Variants in SDK2 observed in about 807,000 individuals in gnomAD.
SDK2 encodes protein sidekick-2.
SDK2 carries 105 observed loss-of-function variants against 253.9 expected under a neutral mutation model. That is an observed-to-expected ratio of 0.41 (90% confidence interval 0.35 to 0.49). The LOEUF (loss-of-function observed/expected upper bound fraction) is 0.49, where lower values mean the gene tolerates loss of function less well. Ranked by LOEUF, SDK2 falls within the 20% of genes least tolerant of loss-of-function variation. The pLI is 0.06. For synonymous variants in SDK2, 1,249 were observed against 1,234.9 expected, an observed-to-expected ratio of 1.01 and a Z score of -0.24; for missense variants, 2,608 against 3,003.0, an observed-to-expected ratio of 0.87 and a Z score of 3.07.
intron 1 of SDK2, among the ~76,000 whole-genome samples, chr17:73,548,659 G>A (rs1397010229): frequency 6.6e-6 from 1 of 152,222 alleles, no homozygotes; most frequent in Non-Finnish European, 1.5e-5. Flanking sequence ...CCTGCTCCCA[G>A]GAGGCCCTGG....
At chr17:73,599,768 C>A (rs968061570) in intron 1 of SDK2, among the ~76,000 whole-genome samples, 1 of 152,148 alleles carries the variant, frequency 6.6e-6, no homozygotes, top group Non-Finnish European at 1.5e-5. Context: ...AAAGCAGAGG[C>A]TGTGCCACAG....
intron 16 of SDK2, 67 bp downstream of exon 16, chr17:73,419,099 C>A: frequency 6.4e-7 from 1 of 1,551,812 alleles, no homozygotes; most frequent in South Asian, 1.2e-5. Flanking sequence ...TTTTCCAGTC[C>A]ACTCCCGATC....
intron 1 of SDK2, among the ~76,000 whole-genome samples, chr17:73,595,308 G>A (rs986858110): frequency 6.6e-6 from 1 of 152,136 alleles, no homozygotes. Flanking sequence ...AAATAGAGTC[G>A]GGGTGGCCAC....
intron 1 of SDK2, among the ~76,000 whole-genome samples, chr17:73,555,789 G>A (rs1414043776): frequency 6.6e-6 from 1 of 152,164 alleles, no homozygotes; most frequent in Non-Finnish European, 1.5e-5. Context: ...TTCTGCAGAG[G>A]GGATCACTTC....
chr17:73,458,787 T>C (rs1156293526), intron 3 of SDK2, among the ~76,000 whole-genome samples: 1 of 152,062 alleles, frequency 6.6e-6, no homozygotes, highest in Non-Finnish European at 1.5e-5. Context: ...AGGCGGATCA[T>C]GAGGTCAGGA....
chr17:73,510,577 G>A (rs184207663), intron 1 of SDK2, among the ~76,000 whole-genome samples: 268 of 152,268 alleles, frequency 1.8e-3, no homozygotes, highest in Middle Eastern at 0.01. Context: ...TTGGCTCACC[G>A]CAGCCTCGAC....
At chr17:73,611,714 C>T (rs925315217) in intron 1 of SDK2, among the ~76,000 whole-genome samples, 3 of 152,192 alleles carry the variant, frequency 2.0e-5, no homozygotes, top group African/African-American at 7.2e-5. Context: ...GGTCCCTTGC[C>T]CCCACCCCAG....
Position 73,361,653 on chromosome 17 carries a change from G to A in SDK2, c.5467+31C>T, listed in dbSNP as rs756089097. On this transcript the variant is annotated intron_variant, in intron 39 of 44. Transcript: ENST00000392650. The surrounding 1 kb of genome is among the most constrained non-coding windows in gnomAD (Gnocchi z 4.1). ...GACTGGGGACGCTGAACCGCCGTGTGGAAGACATGCCTGGTCCGTTGCTCT... is the reference window on the plus strand; with the variant it reads ...GACTGGGGACGCTGAACCGCCGTGTAGAAGACATGCCTGGTCCGTTGCTCT... The A allele has an allele frequency of 1.2e-5, 19 of 1,596,060 alleles. No homozygotes were observed. In the East Asian group the frequency reaches 1.4e-4, roughly 11 times the overall value.
At chr17:73,581,795 C>A (rs1365023016) in intron 1 of SDK2, among the ~76,000 whole-genome samples, 1 of 152,220 alleles carries the variant, frequency 6.6e-6, no homozygotes, top group East Asian at 1.9e-4. Flanking sequence ...GGGCAATGAG[C>A]CCCGAGTGGG....
At chr17:73,386,367 C>G in intron 31 of SDK2, 78 bp downstream of exon 31, 2 of 1,035,742 alleles carry the variant, frequency 1.9e-6, no homozygotes, top group Non-Finnish European at 1.5e-6. Context: ...GGAGGCCCCT[C>G]CCCCCGTAAG....
chr17:73,490,421 T>C (rs894278987), intron 2 of SDK2, among the ~76,000 whole-genome samples: 4 of 152,006 alleles, frequency 2.6e-5, no homozygotes, highest in African/African-American at 9.7e-5. Flanking sequence ...GTATTCCACT[T>C]GCTGTGTGAC....
intron 36 of SDK2, among the ~76,000 whole-genome samples, chr17:73,376,706 C>T (rs1306964437): frequency 6.6e-6 from 1 of 152,150 alleles, no homozygotes; most frequent in Non-Finnish European, 1.5e-5. Context: ...AGTCTGGTGG[C>T]TGCCACACTG....
chr17:73,583,763 G>T (rs2045568111), intron 1 of SDK2, among the ~76,000 whole-genome samples: 1 of 152,184 alleles, frequency 6.6e-6, no homozygotes, highest in African/African-American at 2.4e-5. Context: ...GTGCCAGGCT[G>T]CCTGCCCCCA....
At chr17:73,345,478 TAG>T (rs532473182) in intron 44 of SDK2, among the ~76,000 whole-genome samples, 319 of 152,322 alleles carry the variant, frequency 2.1e-3, no homozygotes, top group Non-Finnish European at 3.4e-3. Flanking sequence ...CAACATTCAT[TAG>T]AGTCTGTCTT....
rs1568385761 is a variant in SDK2 at position 73,405,508 on chromosome 17, ATAT to A, written c.2485-3370_2485-3368del. ...TATATATATATATATATATATATAT[ATAT>A]ATATATAAAGATCGAGAATGTGGAA... On this transcript the variant is annotated intron_variant, in intron 18 of 44. Coordinates refer to ENST00000392650, the MANE Select transcript of SDK2 (RefSeq NM_001144952.2). 1.5e-4 allele frequency among the ~76,000 whole-genome samples: 10 copies of A among 68,798 alleles called. 2 individuals are homozygous for A. In the South Asian group the frequency reaches 2.7e-3, roughly 18 times the overall value. 45.1% of individuals were successfully genotyped at this position (68,798 alleles called of 152,430 possible).
chr17:73,631,533 C>G (rs374673853), intron 1 of SDK2, among the ~76,000 whole-genome samples: 4 of 152,296 alleles, frequency 2.6e-5, no homozygotes, highest in Admixed American at 2.0e-4. Context: ...AGGTGGGCTG[C>G]CGGCCAGGAA....
chr17:73,449,724 C>T (rs1194967570), intron 4 of SDK2, among the ~76,000 whole-genome samples: 1 of 150,504 alleles, frequency 6.6e-6, no homozygotes, highest in African/African-American at 2.4e-5. Context: ...GGTTCGAGAC[C>T]ATACTGACCA....
intron 18 of SDK2, among the ~76,000 whole-genome samples, chr17:73,407,102 A>G (rs2063085443): frequency 6.6e-6 from 1 of 152,206 alleles, no homozygotes; most frequent in Non-Finnish European, 1.5e-5. Context: ...AATATTGTTT[A>G]GCTAGCCATT....
chr17:73,549,342 A>G (rs2045018796), intron 1 of SDK2, among the ~76,000 whole-genome samples: 1 of 152,284 alleles, frequency 6.6e-6, no homozygotes, highest in Middle Eastern at 3.4e-3. Context: ...TCACTTCCTC[A>G]TGACTCAAAG....
Sources: allele counts gnomAD v4.1 joint callset (sites outside exome capture counted in the v4.1 genomes callset), GRCh38; gene constraint gnomAD v4.1.1; non-coding constraint Gnocchi (gnomAD v3.1); transcripts MANE v1.5; gene names NCBI Gene and HGNC (gene_info 2026-07-23, HGNC 2026-07-21).